The following TYRO3 variants were observed in gnomAD, a reference collection of about 807,000 sequenced individuals.
TYRO3 encodes the protein tyrosine-protein kinase receptor TYRO3.
Under a neutral mutation model 95.2 loss-of-function variants are expected in TYRO3, and 38 were observed. That is an observed-to-expected ratio of 0.40 (90% CI 0.31 to 0.52). The LOEUF is 0.52. Among genes scored for constraint, TYRO3 ranks in the 20% least tolerant of loss-of-function variants. TYRO3 has a pLI of 0.56. For missense variants in TYRO3, 812 were observed against 1,116.4 expected (o/e 0.73, Z 3.89); for synonymous variants, 367 against 432.9 (o/e 0.85, Z 1.89).
chr15:41,571,189 G>A, intron 13 of TYRO3, 71 bp downstream of exon 13: 1 of 1,478,294 alleles, frequency 6.8e-7, no homozygotes, highest in Non-Finnish European at 9.5e-7. Flanking sequence ...CCCTGAAGCA[G>A]GCTCTGCTTT....
chr15:41,559,503 A>C, intron 1 of TYRO3, 122 bp downstream of exon 1: 35 of 235,112 alleles, frequency 1.5e-4, no homozygotes, highest in East Asian at 3.5e-4. Context: ...CCGAAGGCCG[A>C]GGCTCGGAGC....
At chr15:41,572,943 C>G in intron 15 of TYRO3, 59 bp from the exon 16 acceptor site, 1 of 1,162,844 alleles carries the variant, frequency 8.6e-7, no homozygotes, top group Non-Finnish European at 1.2e-6. Flanking sequence ...GGACCCCCAT[C>G]CATCCTGCCC....
intron 7 of TYRO3, among the ~76,000 whole-genome samples, chr15:41,567,973 C>T (rs1047309349): frequency 2.0e-5 from 3 of 152,106 alleles, no homozygotes; most frequent in African/African-American, 7.2e-5. Flanking sequence ...AGGGGTGAGG[C>T]AGAAAGGCAG....
intron 3 of TYRO3, 163 bp from the exon 4 acceptor site, chr15:41,562,385 C>T (rs1042858314): frequency 1.1e-4 from 57 of 532,010 alleles, no homozygotes; most frequent in Middle Eastern, 1.0e-3. Flanking sequence ...AGAGAAGCAC[C>T]GCCTACCTCT....
intron 6 of TYRO3, among the ~76,000 whole-genome samples, chr15:41,566,910 A>G (rs2055731222): frequency 6.6e-6 from 1 of 152,082 alleles, no homozygotes; most frequent in Non-Finnish European, 1.5e-5. Context: ...GGGCCCCCAA[A>G]ATGTAAGATG....
chr15:41,581,340 AG>A lies in TYRO3; in HGVS notation c.*3067del, dbSNP rs543898143. ...TGCTTCTGGCTGAGGGCAGGGGAAT[AG>A]GGTGGCTGCTTCTGAAAGCAAATAT... On this transcript the variant is annotated 3_prime_UTR_variant, in exon 19 of 19. Coordinates refer to ENST00000263798, the MANE Select transcript of TYRO3 (RefSeq NM_006293.4). 11 of 153,420 alleles carry A rather than the reference AG, an allele frequency of 7.2e-5. No homozygotes were observed. The highest frequency in any genetic ancestry group is 3.9e-4 in the Admixed American group (6 of 15,272). 9.5% of individuals were successfully genotyped at this position (153,420 alleles called of 1,614,324 possible). A position where few individuals can be genotyped will look rare whatever the true frequency, so the allele number is the denominator to read the frequency against.
chr15:41,566,869 T>C (rs1247698145), intron 6 of TYRO3, among the ~76,000 whole-genome samples: 1 of 152,242 alleles, frequency 6.6e-6, no homozygotes, highest in African/African-American at 2.4e-5. Flanking sequence ...TTTAGACATA[T>C]AGTACGTGGA....
intron 9 of TYRO3, 69 bp downstream of exon 9, chr15:41,569,091 T>C: frequency 6.4e-7 from 1 of 1,573,970 alleles, no homozygotes; most frequent in Non-Finnish European, 8.6e-7. Context: ...CCTAGACTGA[T>C]GGGAGGAGCC....
In TYRO3 at chr15:41,570,170, G is replaced by T. The variant is rs754954822; in HGVS notation, c.1382+14G>T. ...GACGCGGTTTGGGTAAGGGGATGGG[G>T]ATGTGGAGGGAGAGGCAGGTAATGA... On this transcript the variant is annotated intron_variant, in intron 10 of 18. Coordinates refer to ENST00000263798, the MANE Select transcript of TYRO3 (RefSeq NM_006293.4). 1.0e-6 allele frequency: 1 copy of T among 987,534 alleles called. No homozygotes were observed. The highest frequency in any genetic ancestry group is 1.5e-5 in the African/African-American group (1 of 66,162). 61.2% of individuals were successfully genotyped at this position (987,534 alleles called of 1,614,324 possible).
intron 3 of TYRO3, chr15:41,562,099 T>TTTA: frequency 5.6e-6 from 1 of 179,740 alleles, no homozygotes; most frequent in Non-Finnish European, 1.1e-5. Flanking sequence ...CCCTGAGTTT[T>TTTA]ATGCCCCTCT....
In TYRO3 at chr15:41,561,521, C is replaced by A; in HGVS notation, c.309-18C>A. 6.4e-7 allele frequency: 1 copy of A among 1,561,596 alleles called. No individual in the cohort carries two copies. Among genetic ancestry groups the A allele is most frequent in the Non-Finnish European group, 8.7e-7 (1 of 1,152,920 alleles). ...CGCCCTTGCCCTCGGAAGCAAGCCT[C>A]GTATCCTGTTTCCACAGCCTGAAGT... is the stretch of plus-strand genomic sequence containing the variant. On this transcript the variant is annotated intron_variant, in intron 2 of 18. Transcript: ENST00000263798.
chr15:41,564,824 C>T (rs2140821618), intron 5 of TYRO3: 1 of 572,204 alleles, frequency 1.7e-6, no homozygotes, highest in Middle Eastern at 4.8e-4. Context: ...CTCTCCACAG[C>T]CCAGGCACTC....
intron 18 of TYRO3, among the ~76,000 whole-genome samples, chr15:41,575,171 G>C (rs188900218): frequency 6.6e-6 from 1 of 152,354 alleles, no homozygotes; most frequent in Non-Finnish European, 1.5e-5. Flanking sequence ...TCCTTCCCTT[G>C]GACAGTGGGT....
At position 41,567,996 on chromosome 15, in the gene TYRO3, T is replaced by C. The variant is rs536160906; in HGVS notation, c.962-221T>C. ...GGCAGAAAGGCAGTAACCATGGTGATGAAGAGCAACACTGCCGAGCTGGGG... is the reference window on the plus strand; with the variant it reads ...GGCAGAAAGGCAGTAACCATGGTGACGAAGAGCAACACTGCCGAGCTGGGG... On this transcript the variant is annotated intron_variant, in intron 7 of 18. Coordinates refer to ENST00000263798, the MANE Select transcript of TYRO3 (RefSeq NM_006293.4). Among the ~76,000 whole-genome samples the C allele has an allele frequency of 2.6e-5, 4 of 152,254 alleles. No individual in the cohort carries two copies. The East Asian group carries it at 7.7e-4, about 29-fold the overall frequency.
At chr15:41,569,951 A>T (rs2055773021) in intron 9 of TYRO3, 76 bp from the exon 10 acceptor site, 1 of 1,545,216 alleles carries the variant, frequency 6.5e-7, no homozygotes. Context: ...AACCAGCTGG[A>T]TGGCCATCCT....
intron 6 of TYRO3, 120 bp from the exon 7 acceptor site, chr15:41,567,240 T>A: frequency 1.2e-6 from 1 of 805,520 alleles, no homozygotes; most frequent in Non-Finnish European, 1.8e-6. Flanking sequence ...TGGGAGGGCG[T>A]GGGTTGCAAG....
intron 3 of TYRO3, chr15:41,562,079 T>C (rs4344712): frequency 1 from 177,099 of 177,196 alleles, 88,501 homozygotes; most frequent in Middle Eastern, 1. Context: ...GCTAAAGCTC[T>C]CACCCACTCC....
chr15:41,566,320 TAAAAAAAAA>T (rs57924730), intron 6 of TYRO3, among the ~76,000 whole-genome samples: 3 of 40,952 alleles, frequency 7.3e-5, no homozygotes, highest in Admixed American at 6.1e-4. Context: ...CTGTCTCTAT[TAAAAAAAAA>T]AAAAAAAAAA....
chr15:41,564,923 G>C, intron 5 of TYRO3, 103 bp from the exon 6 acceptor site: 1 of 741,628 alleles, frequency 1.3e-6, no homozygotes, highest in South Asian at 1.5e-5. Context: ...TTTAGGTTGG[G>C]GATGCCCTGG....
Sources: allele counts gnomAD v4.1 joint callset (sites outside exome capture counted in the v4.1 genomes callset), GRCh38; gene constraint gnomAD v4.1.1; transcripts MANE v1.5; gene names NCBI Gene and HGNC (gene_info 2026-07-23, HGNC 2026-07-21).